The following HEATR5B variants were observed in gnomAD, a reference collection of about 807,000 sequenced individuals.
HEATR5B encodes HEAT repeat containing 5B, also known as HEAT repeat-containing protein 5B.
In HEATR5B, 156 loss-of-function variants were observed where a neutral mutation model predicts 224.1. That is an observed-to-expected ratio of 0.70 (90% confidence interval 0.61 to 0.80). The LOEUF (loss-of-function observed/expected upper bound fraction) is 0.80. HEATR5B is among the 30% of genes least tolerant of loss of function. The probability of loss-of-function intolerance (pLI) is 0.00; values close to 1 mark genes in which losing one functional copy is unlikely to be tolerated. For missense variants in HEATR5B, 2,323 were observed against 2,535.5 expected (o/e 0.92, Z 1.80); for synonymous variants, 1,027 against 893.0 (o/e 1.15, Z -2.68).
intron 33 of HEATR5B, 43 bp from the exon 34 acceptor site, chr2:36,990,842 T>A: frequency 6.7e-7 from 1 of 1,488,804 alleles, no homozygotes; most frequent in Non-Finnish European, 9.0e-7. Flanking sequence ...TCTAAAACAT[T>A]TTGGCATTTT....
At chr2:37,000,981 G>T (rs1428111320) in intron 32 of HEATR5B, among the ~76,000 whole-genome samples, 168 bp from the exon 33 acceptor site, 2 of 152,100 alleles carry the variant, frequency 1.3e-5, no homozygotes, top group African/African-American at 2.4e-5. Flanking sequence ...GTTTGAAAAA[G>T]AAAATAAGAA....
intron 35 of HEATR5B, among the ~76,000 whole-genome samples, chr2:36,986,617 G>GTCTTTTTT (rs1460609873): frequency 3.9e-5 from 6 of 152,070 alleles, no homozygotes; most frequent in African/African-American, 7.2e-5. Flanking sequence ...TAGATTAAAA[G>GTCTTTTTT]TCTTTTTTTC....
Position 37,040,395 on chromosome 2 carries a change from C to T in HEATR5B, c.2980G>A (p.Glu994Lys). 6.2e-7 allele frequency: 1 copy of T among 1,614,042 alleles called. No homozygotes were observed. Among genetic ancestry groups the T allele is most frequent in the South Asian group, 1.1e-5 (1 of 91,058 alleles). ...CATCGACCCAAACACTGATGAACTT[C>T]TGTATGTGAAGGCGGAACTGTCAAC... Reference protein sequence around the residue: ...LLLTVPPSHTEVHQCLGRCLG... With the variant: ...LLLTVPPSHTKVHQCLGRCLG... The change falls in exon 20 of 36, where the codon GAA (glutamate) becomes AAA (lysine). Residue 994 changes from glutamate (E) to lysine (K), a missense_variant. This residue lies in a region of HEATR5B where 22 missense variants were observed against 46.9 expected (regional missense o/e 0.47). Transcript: ENST00000233099.
intron 29 of HEATR5B, 83 bp downstream of exon 29, chr2:37,006,966 AC>A: frequency 7.3e-7 from 1 of 1,375,974 alleles, no homozygotes; most frequent in Non-Finnish European, 1.0e-6. Context: ...GCTATACTGT[AC>A]AAAATCTTTC....
At position 37,040,562 on chromosome 2, in the gene HEATR5B, G is replaced by A. The variant is rs113557926; in HGVS notation, c.2857-44C>T. 2,407 of 1,429,910 alleles carry A rather than the reference G, an allele frequency of 1.7e-3. 43 individuals carry two copies. The African/African-American group carries it at 0.03, about 18-fold the overall frequency. 88.6% of individuals were successfully genotyped at this position (1,429,910 alleles called of 1,614,324 possible). A position where few individuals can be genotyped will look rare whatever the true frequency, so the allele number is the denominator to read the frequency against. On this transcript the variant is annotated intron_variant, in intron 19 of 35. Coordinates refer to ENST00000233099, the MANE Select transcript of HEATR5B (RefSeq NM_019024.3). ...TCATTTTAGTTGTAAGGAAGAATTC[G>A]AATGTACTGAATTGAGTATACTGAA...
chr2:37,072,364 T>G (rs1324478027), intron 5 of HEATR5B, 83 bp from the exon 6 acceptor site: 2 of 894,996 alleles, frequency 2.2e-6, no homozygotes, highest in Non-Finnish European at 3.4e-6. Context: ...ACTTACCACC[T>G]CTCCTGAGAT....
At chr2:37,011,578 G>C (rs183789996) in intron 27 of HEATR5B, among the ~76,000 whole-genome samples, 137 of 152,274 alleles carry the variant, frequency 9.0e-4, no homozygotes, top group African/African-American at 3.2e-3. Flanking sequence ...TTGATGTACA[G>C]AGATTCTGTA....
intron 12 of HEATR5B, 111 bp from the exon 13 acceptor site, chr2:37,059,098 A>G (rs557222678): frequency 2.8e-5 from 16 of 574,596 alleles, no homozygotes; most frequent in African/African-American, 2.5e-4. Context: ...ATTATAACGT[A>G]TAAGGTTCTG....
At chr2:36,993,167 AG>A (rs1274314493) in intron 33 of HEATR5B, among the ~76,000 whole-genome samples, 8 of 152,276 alleles carry the variant, frequency 5.3e-5, no homozygotes, top group African/African-American at 1.7e-4. Context: ...TCTTGGGGCT[AG>A]AAAGTATGGA....
At chr2:37,031,474 T>C (rs1431057025) in intron 22 of HEATR5B, among the ~76,000 whole-genome samples, 11 of 150,760 alleles carry the variant, frequency 7.3e-5, no homozygotes, top group African/African-American at 2.7e-4. Context: ...TCTCACTATG[T>C]TGCCCAGGTT....
chr2:36,992,131 G>C (rs1666372482), intron 33 of HEATR5B, among the ~76,000 whole-genome samples: 1 of 152,196 alleles, frequency 6.6e-6, no homozygotes, highest in African/African-American at 2.4e-5. Flanking sequence ...CCGGGAAGCA[G>C]AGGTTGCAGT....
chr2:37,072,302 G>T, intron 5 of HEATR5B, 21 bp from the exon 6 acceptor site: 3 of 1,550,204 alleles, frequency 1.9e-6, no homozygotes, highest in Non-Finnish European at 2.7e-6. Flanking sequence ...AAACAAAAAA[G>T]TAAATAACAT....
At position 36,981,756 on chromosome 2, in the gene HEATR5B, A is replaced by T; in HGVS notation, c.5950T>A (p.Ser1984Thr). 1 of 1,613,542 alleles carries T rather than the reference A, an allele frequency of 6.2e-7. No homozygotes were observed. The highest frequency in any genetic ancestry group is 8.5e-7 in the Non-Finnish European group (1 of 1,179,808). Residue 1984 changes from serine to threonine, a missense_variant, in exon 36 of 36, where the codon TCT becomes ACT. Physicochemically the swap from Ser to Thr is moderately conservative, Grantham distance 58. Coordinates refer to ENST00000233099, the MANE Select transcript of HEATR5B (RefSeq NM_019024.3). ...AAAGAATTTTCATCCAGCAGGTAAG[A>T]TATCAAAGTGGGAACTAAAAGAGCA... Reference protein sequence around the residue: ...LLALLVPTLISYLLDENSFAS... With the variant: ...LLALLVPTLITYLLDENSFAS...
intron 10 of HEATR5B, among the ~76,000 whole-genome samples, chr2:37,062,463 A>C (rs1460894693): frequency 6.6e-6 from 1 of 152,098 alleles, no homozygotes; most frequent in Non-Finnish European, 1.5e-5. Context: ...TCGTGTTATT[A>C]GCATGTTTTT....
chr2:36,992,386 G>C (rs1383015685), intron 33 of HEATR5B, among the ~76,000 whole-genome samples: 1 of 152,074 alleles, frequency 6.6e-6, no homozygotes, highest in Non-Finnish European at 1.5e-5. Context: ...TTCAAGACTA[G>C]CCTGGGCAAT....
chr2:37,048,777 C>T (rs1017821218), intron 18 of HEATR5B, among the ~76,000 whole-genome samples: 1 of 152,276 alleles, frequency 6.6e-6, no homozygotes, highest in Non-Finnish European at 1.5e-5. Flanking sequence ...CTCATACTAT[C>T]CTTAGTGCAT....
At chr2:37,066,876 AT>A (rs890095841) in intron 8 of HEATR5B, among the ~76,000 whole-genome samples, 26 of 148,752 alleles carry the variant, frequency 1.7e-4, no homozygotes, top group East Asian at 5.8e-4. Flanking sequence ...CTATAATTAA[AT>A]TTTTTTTTTT....
Position 37,019,870 on chromosome 2 carries a change from G to C in HEATR5B, c.4043C>G (p.Ala1348Gly). 6.2e-7 allele frequency: 1 copy of C among 1,600,438 alleles called. No individual in the cohort carries two copies. The highest frequency in any genetic ancestry group is 8.5e-7 in the Non-Finnish European group (1 of 1,172,120). The change falls in exon 26 of 36, where the codon GCT (alanine) becomes GGT (glycine). Residue 1348 changes from alanine to glycine, a missense_variant. Ala to Gly is a moderately conservative substitution (Grantham distance 60). Around this residue, in one of 12 missense-constraint regions of HEATR5B, gnomAD observed 339 missense variants for 378.4 expected, o/e 0.90. Transcript: ENST00000233099. ...ILEQYQANVG[A>G]ALRPAFSQDT... is the part of the protein sequence containing the mutation. Reference sequence around the variant, plus strand: ...TTGTGAAAAGGCTGGTCTTAGAGCAGCTCCCACCTAGAAAAATAAATAAAG... The same window carrying C: ...TTGTGAAAAGGCTGGTCTTAGAGCACCTCCCACCTAGAAAAATAAATAAAG...
chr2:37,062,098 A>G, intron 10 of HEATR5B, 48 bp from the exon 11 acceptor site: 1 of 1,137,960 alleles, frequency 8.8e-7, no homozygotes, highest in South Asian at 1.2e-5. Context: ...AAGTTAAATT[A>G]AATAAGGAAA....
Sources: allele counts gnomAD v4.1 joint callset (sites outside exome capture counted in the v4.1 genomes callset), GRCh38; gene constraint gnomAD v4.1.1; regional missense constraint gnomAD v4.1.1; transcripts MANE v1.5; gene names NCBI Gene and HGNC (gene_info 2026-07-23, HGNC 2026-07-21).